The following GTF2A1L variants were observed in gnomAD, a reference collection of about 807,000 sequenced individuals.
GTF2A1L encodes the protein general transcription factor IIA subunit 1 like, also known as TFIIA-alpha and beta-like factor.
In GTF2A1L, 48 loss-of-function variants were observed where a neutral mutation model predicts 49.7. The ratio of observed to expected loss-of-function variants is 0.97; its 90% CI spans 0.77 to 1.23. The LOEUF is 1.23. Among genes scored for constraint, GTF2A1L ranks in the 50% most tolerant of loss-of-function variants. GTF2A1L has a pLI of 0.00. For synonymous variants in GTF2A1L, 246 were observed against 193.5 expected, an observed-to-expected ratio of 1.27 and a Z score of -2.25; for missense variants, 736 against 564.8, an observed-to-expected ratio of 1.30 and a Z score of -3.07.
chr2:48,675,641 C>T (rs532805557), intron 8 of GTF2A1L, among the ~76,000 whole-genome samples: 107 of 151,770 alleles, frequency 7.1e-4, no homozygotes, highest in Non-Finnish European at 1.2e-3. Context: ...GAAATGAAAC[C>T]TTTTACTACA....
At chr2:48,641,955 T>C (rs1265095678) in intron 3 of GTF2A1L, among the ~76,000 whole-genome samples, 3 of 152,200 alleles carry the variant, frequency 2.0e-5, no homozygotes, top group African/African-American at 7.2e-5. Flanking sequence ...TTGACCAAAG[T>C]ACTGTAAATA....
intron 5 of GTF2A1L, among the ~76,000 whole-genome samples, chr2:48,645,916 G>C (rs529287485): frequency 6.7e-6 from 1 of 150,262 alleles, no homozygotes; most frequent in African/African-American, 2.4e-5. Flanking sequence ...CCAAAGTGCT[G>C]GGATTACAGG....
rs371638805 is a variant in GTF2A1L, at chr2:48,669,996, T to C, written c.1239+14T>C. The C allele has an allele frequency of 4.4e-6, 7 of 1,592,984 alleles. No homozygotes were observed. In the African/African-American group the frequency reaches 9.5e-5, roughly 22 times the overall value. On this transcript the variant is annotated intron_variant, in intron 7 of 8. Transcript: ENST00000403751. ...ATTGTAGAAGAGGTGAGGATGACTT[T>C]TGAGCTGAGACTTCCTTTATTAATT...
chr2:48,677,976 TG>T (rs1234386655), intron 8 of GTF2A1L, among the ~76,000 whole-genome samples: 4 of 63,516 alleles, frequency 6.3e-5, no homozygotes, highest in African/African-American at 1.7e-4. Context: ...AACTCTGAGA[TG>T]GGTGTGTGTG....
intron 6 of GTF2A1L, among the ~76,000 whole-genome samples, chr2:48,660,692 G>A (rs553720682): frequency 6.6e-6 from 1 of 152,130 alleles, no homozygotes; most frequent in East Asian, 1.9e-4. Context: ...AGGCTGAAGT[G>A]CGGTGGTGTG....
In GTF2A1L at chr2:48,627,372, A is replaced by T. The variant is rs116335685; in HGVS notation, c.247+6082A>T. ...TACCTTGCACTTTGAATGGCTTTTTAACACGTGTAATGTTACAGCATACAT... is the reference window on the plus strand; with the variant it reads ...TACCTTGCACTTTGAATGGCTTTTTTACACGTGTAATGTTACAGCATACAT... On this transcript the variant is annotated intron_variant, in intron 3 of 8. Coordinates refer to ENST00000403751, the MANE Select transcript of GTF2A1L (RefSeq NM_006872.5). 7.7e-3 allele frequency among the ~76,000 whole-genome samples: 1,113 copies of T among 143,878 alleles called. 84 individuals carry two copies. The highest frequency in any genetic ancestry group is 0.025 in the African/African-American group (1,001 of 40,558). The allele number at this position is 143,878 out of a possible 152,430, so 94.4% of individuals were successfully genotyped here. A position where few individuals can be genotyped will look rare whatever the true frequency, so the allele number is the denominator to read the frequency against.
chr2:48,646,674 C>G lies in GTF2A1L; in HGVS notation c.610C>G (p.Pro204Ala). The part of the protein sequence containing the change: ...LQQPAILPSG[P>A]VDRKHLENAT... ...GCAACCCGCAATTCTACCTTCTGGG[C>G]CAGTAGATAGGAAACACTTAGAAAA... is the stretch of plus-strand genomic sequence containing the variant. The change falls in exon 6 of 9, where the codon CCA becomes GCA. Residue 204 changes from proline (P) to alanine (A), a missense_variant. Pro to Ala is a conservative substitution (Grantham distance 27). Coordinates refer to ENST00000403751, the MANE Select transcript of GTF2A1L (RefSeq NM_006872.5). 6.2e-7 allele frequency: 1 copy of G among 1,614,088 alleles called. No homozygotes were observed. The highest frequency in any genetic ancestry group is 8.5e-7 in the Non-Finnish European group (1 of 1,179,998).
chr2:48,634,098 G>C (rs1162065728), intron 3 of GTF2A1L, among the ~76,000 whole-genome samples: 1 of 151,962 alleles, frequency 6.6e-6, no homozygotes, highest in African/African-American at 2.4e-5. Context: ...TACATTCAAG[G>C]TTAATATTGA....
At chr2:48,640,878 T>C (rs1345110241) in intron 3 of GTF2A1L, among the ~76,000 whole-genome samples, 1 of 149,516 alleles carries the variant, frequency 6.7e-6, no homozygotes, top group South Asian at 2.2e-4. Flanking sequence ...AAGTTATTAT[T>C]TTTATATGTT....
At chr2:48,653,152 C>G (rs928923461) in intron 6 of GTF2A1L, among the ~76,000 whole-genome samples, 1 of 146,556 alleles carries the variant, frequency 6.8e-6, no homozygotes, top group Admixed American at 7.0e-5. Context: ...ACCCAGGAGG[C>G]TGAGCTTGCA....
At chr2:48,640,855 A>G (rs1677160248) in intron 3 of GTF2A1L, among the ~76,000 whole-genome samples, 1 of 151,980 alleles carries the variant, frequency 6.6e-6, no homozygotes, top group African/African-American at 2.4e-5. Context: ...ATAACTTGTG[A>G]GCATATAAAA....
intron 3 of GTF2A1L, among the ~76,000 whole-genome samples, chr2:48,625,914 T>G (rs1676265091): frequency 6.9e-6 from 1 of 144,062 alleles, no homozygotes; most frequent in African/African-American, 2.5e-5. Flanking sequence ...CCCGAGCTTT[T>G]GGTGTGATAT....
At chr2:48,646,382 T>C in intron 5 of GTF2A1L, 71 bp from the exon 6 acceptor site, 1 of 1,327,576 alleles carries the variant, frequency 7.5e-7, no homozygotes, top group Non-Finnish European at 9.9e-7. Flanking sequence ...GATTTTTTTT[T>C]TTTTTTGTGG....
At chr2:48,618,061 C>T (rs940045551) in intron 1 of GTF2A1L, 166 bp downstream of exon 1, 1 of 684,324 alleles carries the variant, frequency 1.5e-6, no homozygotes, top group South Asian at 2.1e-5. Flanking sequence ...TTGGAGGAAG[C>T]TGCTGAGGGC....
Position 48,669,848 on chromosome 2 carries a change from G to C in GTF2A1L, c.1105G>C (p.Glu369Gln). The C allele has an allele frequency of 1.9e-6, 3 of 1,614,038 alleles. No homozygotes were observed. The highest frequency in any genetic ancestry group is 2.5e-6 in the Non-Finnish European group (3 of 1,179,992). Reference protein sequence around the residue: ...EEIGSTRDADENEFLGNIDGG... With the variant: ...EEIGSTRDADQNEFLGNIDGG... ...AATAGGAAGTACAAGAGATGCAGAT[G>C]AGAATGAATTTCTAGGGAATATTGA... Residue 369 changes from glutamate to glutamine, a missense_variant, in exon 7 of 9, where the codon GAG becomes CAG. Coordinates refer to ENST00000403751, the MANE Select transcript of GTF2A1L (RefSeq NM_006872.5).
intron 6 of GTF2A1L, among the ~76,000 whole-genome samples, chr2:48,657,402 G>A (rs981826810): frequency 6.6e-5 from 10 of 152,094 alleles, no homozygotes; most frequent in African/African-American, 2.4e-4. Flanking sequence ...GATGGCCTTC[G>A]GCAGTATGCA....
At chr2:48,670,724 C>T (rs1679121970) in intron 7 of GTF2A1L, among the ~76,000 whole-genome samples, 1 of 152,158 alleles carries the variant, frequency 6.6e-6, no homozygotes, top group Admixed American at 6.5e-5. Context: ...GTGGTTCTTA[C>T]TGCTATCCTG....
At chr2:48,647,977 G>T (rs1170055811) in intron 6 of GTF2A1L, among the ~76,000 whole-genome samples, 2 of 152,076 alleles carry the variant, frequency 1.3e-5, no homozygotes, top group Admixed American at 1.3e-4. Context: ...TAGACCCACT[G>T]TACAAATCTG....
intron 6 of GTF2A1L, among the ~76,000 whole-genome samples, chr2:48,660,602 A>G (rs1572756961): frequency 6.6e-6 from 1 of 152,054 alleles, no homozygotes; most frequent in Non-Finnish European, 1.5e-5. Flanking sequence ...ATATTTCTGT[A>G]AAATTATTAA....
Sources: gnomAD v4.1 joint callset for allele counts (sites outside exome capture counted in the v4.1 genomes callset) on GRCh38, gnomAD v4.1.1 for gene constraint, MANE v1.5 for transcripts, NCBI Gene and HGNC (gene_info 2026-07-23, HGNC 2026-07-21) for gene names.